Variants in ADCY2 observed in about 807,000 individuals in gnomAD.
ADCY2 encodes the protein adenylate cyclase 2, also known as adenylate cyclase type 2.
Under a neutral mutation model 125.2 loss-of-function variants are expected in ADCY2, and 31 were observed. The ratio of observed to expected loss-of-function variants is 0.25; its 90% CI spans 0.19 to 0.33. ADCY2 has a LOEUF of 0.33. ADCY2 is among the 10% of genes least tolerant of loss of function. The pLI is 1.00. For synonymous variants in ADCY2, 512 were observed against 548.4 expected (o/e 0.93, Z 0.93); for missense variants, 904 against 1,418.2 (o/e 0.64, Z 5.82).
At position 7,717,151 on chromosome 5, in the gene ADCY2, A is replaced by T; in HGVS notation, c.1623-6A>T. 2 of 1,591,952 alleles carry T rather than the reference A, an allele frequency of 1.3e-6. No individual in the cohort carries two copies. Among genetic ancestry groups the T allele is most frequent in the African/African-American group, 1.3e-5 (1 of 74,426 alleles). On this transcript the variant is annotated splice_region_variant and splice_polypyrimidine_tract_variant and intron_variant, in intron 11 of 24. Coordinates refer to ENST00000338316, the MANE Select transcript of ADCY2 (RefSeq NM_020546.3). ...CCTTACCCATAATATTCCATTTTTCATATAGAACCAAGTCACAAAAGAAGA... is the reference window on the plus strand; with the variant it reads ...CCTTACCCATAATATTCCATTTTTCTTATAGAACCAAGTCACAAAAGAAGA...
intron 16 of ADCY2, among the ~76,000 whole-genome samples, chr5:7,763,494 C>A (rs1743297645): frequency 6.6e-6 from 1 of 152,110 alleles, no homozygotes; most frequent in East Asian, 1.9e-4. Flanking sequence ...TGCAATGTTG[C>A]GCGACCATCA....
chr5:7,791,005 C>G (rs921891570), intron 20 of ADCY2, among the ~76,000 whole-genome samples: 1 of 151,738 alleles, frequency 6.6e-6, no homozygotes, highest in Non-Finnish European at 1.5e-5. Flanking sequence ...ATTTGCATTG[C>G]CAGGATAAGA....
intron 2 of ADCY2, among the ~76,000 whole-genome samples, chr5:7,440,427 T>A (rs915323718): frequency 1.3e-5 from 2 of 152,124 alleles, no homozygotes; most frequent in African/African-American, 4.8e-5. Context: ...TAAGCTACTT[T>A]AAAAAAAATC....
Position 7,570,347 on chromosome 5 carries a change from A to G in ADCY2, c.570+49448A>G, listed in dbSNP as rs374439828. Among the ~76,000 whole-genome samples the G allele has an allele frequency of 1.3e-4, 20 of 152,172 alleles. No homozygotes were observed. In the East Asian group the frequency reaches 2.3e-3, roughly 18 times the overall value. On this transcript the variant is annotated intron_variant, in intron 3 of 24. Coordinates refer to ENST00000338316, the MANE Select transcript of ADCY2 (RefSeq NM_020546.3). Reference sequence around the variant, plus strand: ...ACCAACTAAAATATTTTAACATCCTATAATTTTGTTGTAATAAATGCAGTT... The same window carrying G: ...ACCAACTAAAATATTTTAACATCCTGTAATTTTGTTGTAATAAATGCAGTT...
At chr5:7,432,449 C>G (rs1289849967) in intron 2 of ADCY2, among the ~76,000 whole-genome samples, 3 of 152,184 alleles carry the variant, frequency 2.0e-5, no homozygotes, top group Non-Finnish European at 4.4e-5. Flanking sequence ...CTAGATGCTG[C>G]TGCAGGGCTG....
At position 7,509,744 on chromosome 5, in the gene ADCY2, G is replaced by A. The variant is rs560136887; in HGVS notation, c.409-10994G>A. Among the ~76,000 whole-genome samples the A allele has an allele frequency of 2.0e-5, 3 of 152,260 alleles. No homozygotes were observed. The South Asian group carries it at 6.2e-4, about 32-fold the overall frequency. ...AAGAAATATTTTCACATTCTATAGA[G>A]TTGATATTCTAAGCCTAAGGTAACT... On this transcript the variant is annotated intron_variant, in intron 2 of 24. Transcript: ENST00000338316.
intron 24 of ADCY2, 30 bp downstream of exon 24, chr5:7,820,719 C>T (rs1410814550): frequency 5.0e-6 from 8 of 1,602,370 alleles, no homozygotes; most frequent in East Asian, 2.2e-5. Flanking sequence ...GCGCTGCCTG[C>T]ATCAACCATG....
intron 3 of ADCY2, among the ~76,000 whole-genome samples, chr5:7,541,840 A>G (rs1447446803): frequency 6.6e-6 from 1 of 152,234 alleles, no homozygotes; most frequent in African/African-American, 2.4e-5. Context: ...AACAAAAATA[A>G]TAAAAATACA....
intron 3 of ADCY2, among the ~76,000 whole-genome samples, chr5:7,577,537 G>T (rs1465199565): frequency 6.6e-6 from 1 of 152,076 alleles, no homozygotes; most frequent in East Asian, 1.9e-4. Flanking sequence ...TGGCACTGGG[G>T]GTGGAGCCAA....
intron 2 of ADCY2, among the ~76,000 whole-genome samples, chr5:7,498,142 A>C (rs1743405088): frequency 6.6e-6 from 1 of 152,124 alleles, no homozygotes; most frequent in South Asian, 2.1e-4. Flanking sequence ...AGTATATGTA[A>C]ATGTTATAAT....
chr5:7,500,698 C>A (rs78160031), intron 2 of ADCY2, among the ~76,000 whole-genome samples: 2,100 of 152,156 alleles, frequency 0.014, 62 homozygotes, highest in African/African-American at 0.049. Context: ...ATTGTCAGGA[C>A]CAGGAGGATG....
At chr5:7,800,849 G>C (rs1744570009) in intron 20 of ADCY2, 1 of 152,212 alleles carries the variant, frequency 6.6e-6, no homozygotes, top group South Asian at 2.1e-4. Flanking sequence ...TGCCTTGGCT[G>C]TCATAGGCTG....
In ADCY2 at chr5:7,532,718, G is replaced by A. The variant is rs574627990; in HGVS notation, c.570+11819G>A. ...AAAGACTTTTTAAAACAAATCATTC[G>A]TGGACAAGACTGTATGATTTCTCTC... On this transcript the variant is annotated intron_variant, in intron 3 of 24. Transcript: ENST00000338316. 1.6e-4 allele frequency among the ~76,000 whole-genome samples: 25 copies of A among 152,032 alleles called. No homozygotes were observed. The East Asian group carries it at 2.7e-3, about 16-fold the overall frequency.
chr5:7,685,199 C>G (rs1315442165), intron 4 of ADCY2: 1 of 152,362 alleles, frequency 6.6e-6, no homozygotes, highest in Non-Finnish European at 1.5e-5. Flanking sequence ...AATTTGATCC[C>G]TTGGGTTCTT....
At chr5:7,537,177 T>C (rs1734843447) in intron 3 of ADCY2, among the ~76,000 whole-genome samples, 1 of 152,252 alleles carries the variant, frequency 6.6e-6, no homozygotes, top group South Asian at 2.1e-4. Flanking sequence ...TCATTTCTTA[T>C]TTACTATGTT....
chr5:7,572,535 CT>C (rs1480176286), intron 3 of ADCY2, among the ~76,000 whole-genome samples: 2 of 152,040 alleles, frequency 1.3e-5, no homozygotes, highest in Non-Finnish European at 2.9e-5. Flanking sequence ...CTTATAGATG[CT>C]GGTTATTAGA....
rs562494236 is a variant in ADCY2 at position 7,441,042 on chromosome 5, C to T, written c.408+26272C>T. On this transcript the variant is annotated intron_variant, in intron 2 of 24. Transcript: ENST00000338316. ...TTTGTACCTTTGGAGGATGGGAGCT[C>T]AGCCAGAGGCTACAGTCAGGGTGTA... Among the ~76,000 whole-genome samples, 12 of 152,252 alleles carry T rather than the reference C, an allele frequency of 7.9e-5. No individual in the cohort carries two copies. The South Asian group carries it at 2.5e-3, about 32-fold the overall frequency.
intron 2 of ADCY2, among the ~76,000 whole-genome samples, chr5:7,512,233 A>AAAAAAAAAAAAG (rs1561066830): frequency 7.0e-6 from 1 of 143,756 alleles, no homozygotes; most frequent in African/African-American, 2.7e-5. Context: ...AAAAAAAAAA[A>AAAAAAAAAAAAG]AAAAAAAGAA....
intron 20 of ADCY2, chr5:7,798,237 T>C (rs906489115): frequency 2.0e-5 from 3 of 151,806 alleles, no homozygotes; most frequent in Non-Finnish European, 2.9e-5. Context: ...GCCTCCATCA[T>C]AGAAGACTCA....
Sources: gnomAD v4.1 joint callset for allele counts (sites outside exome capture counted in the v4.1 genomes callset) on GRCh38, gnomAD v4.1.1 for gene constraint, MANE v1.5 for transcripts, NCBI Gene and HGNC (gene_info 2026-07-23, HGNC 2026-07-21) for gene names.